CBFA2T3: variants seen among roughly 807,000 people sequenced by gnomAD.
The protein encoded by CBFA2T3 is transcriptional corepressor CBFA2T3.
CBFA2T3 carries 31 observed loss-of-function variants against 58.6 expected under a neutral mutation model. That is an observed-to-expected ratio of 0.53 (90% CI 0.40 to 0.71). The LOEUF (loss-of-function observed/expected upper bound fraction) is 0.71. Among genes scored for constraint, CBFA2T3 ranks in the 30% least tolerant of loss-of-function variants. The pLI, the probability that CBFA2T3 is intolerant of heterozygous loss-of-function variation, is 0.00. For synonymous variants in CBFA2T3, 531 were observed against 421.9 expected (o/e 1.26, Z -3.17); for missense variants, 1,076 against 963.1 (o/e 1.12, Z -1.55).
At chr16:88,918,681 C>T (rs115477699) in intron 1 of CBFA2T3, among the ~76,000 whole-genome samples, 1,949 of 152,354 alleles carry the variant, frequency 0.013, 51 homozygotes, top group African/African-American at 0.045. Flanking sequence ...GGCCAGAGCC[C>T]CCAGCCCAGA....
At chr16:88,892,689 G>A (rs901660991) in intron 3 of CBFA2T3, among the ~76,000 whole-genome samples, 1 of 152,222 alleles carries the variant, frequency 6.6e-6, no homozygotes, top group Non-Finnish European at 1.5e-5. Context: ...TTAGCATGCT[G>A]ACCATCTGTC....
At chr16:88,914,708 G>C (rs927153885) in intron 1 of CBFA2T3, among the ~76,000 whole-genome samples, 1 of 152,214 alleles carries the variant, frequency 6.6e-6, no homozygotes, top group Non-Finnish European at 1.5e-5. Flanking sequence ...CAGTGCCCAG[G>C]GCCTGGTCTT....
At chr16:88,967,097 T>G (rs1639283806) in intron 1 of CBFA2T3, among the ~76,000 whole-genome samples, 1 of 147,338 alleles carries the variant, frequency 6.8e-6, no homozygotes, top group Admixed American at 7.2e-5. Context: ...TGCGCTGGTG[T>G]GTGCCACCCC....
chr16:88,881,198 G>C lies in CBFA2T3; in HGVS notation c.1402+93C>G, dbSNP rs778457010. ...TTCTCAAGCGAAACTGTTCTGCCTG[G>C]TGTTTCGTTGCATTGCCTGCCTGAC... On this transcript the variant is annotated intron_variant, in intron 9 of 11. Transcript: ENST00000268679. The C allele has an allele frequency of 4.5e-5, 49 of 1,091,980 alleles. 1 individual carries two copies. The highest frequency in any genetic ancestry group is 6.5e-5 in the Non-Finnish European group (47 of 719,114). 67.6% of individuals were successfully genotyped at this position (1,091,980 alleles called of 1,614,324 possible).
At chr16:88,910,868 G>A (rs1312901028) in intron 1 of CBFA2T3, among the ~76,000 whole-genome samples, 1 of 149,176 alleles carries the variant, frequency 6.7e-6, no homozygotes, top group African/African-American at 2.4e-5. Flanking sequence ...ATGACCAGGA[G>A]GCGGCTCCCT....
chr16:88,915,229 G>A, intron 1 of CBFA2T3, among the ~76,000 whole-genome samples: 1 of 118,334 alleles, frequency 8.5e-6, no homozygotes, highest in African/African-American at 3.3e-5. Flanking sequence ...CGTGGGTGTG[G>A]GGTGGGGAGG....
intron 1 of CBFA2T3, 51 bp from the exon 2 acceptor site, chr16:88,901,707 G>C: frequency 6.8e-7 from 1 of 1,476,438 alleles, no homozygotes; most frequent in Non-Finnish European, 8.9e-7. Context: ...AAGTGCAAAG[G>C]CCAGGGCCCG....
intron 3 of CBFA2T3, among the ~76,000 whole-genome samples, chr16:88,894,469 T>C (rs1326545086): frequency 3.4e-5 from 4 of 118,628 alleles, no homozygotes; most frequent in Non-Finnish European, 5.0e-5. Context: ...CATGCATACA[T>C]ATACACATGC....
intron 2 of CBFA2T3, among the ~76,000 whole-genome samples, chr16:88,899,110 T>C (rs988822889): frequency 1.6e-5 from 2 of 122,136 alleles, no homozygotes; most frequent in Non-Finnish European, 3.2e-5. Context: ...AACTCCAAGA[T>C]GAATTTGCGC....
intron 1 of CBFA2T3, among the ~76,000 whole-genome samples, chr16:88,915,758 A>C: frequency 1.0e-5 from 1 of 95,248 alleles, no homozygotes; most frequent in African/African-American, 4.1e-5. Context: ...GGGAGTGTTA[A>C]GGGGGAAGTG....
At chr16:88,950,041 C>T (rs1039290906) in intron 1 of CBFA2T3, among the ~76,000 whole-genome samples, 1 of 152,064 alleles carries the variant, frequency 6.6e-6, no homozygotes, top group African/African-American at 2.4e-5. Flanking sequence ...CGAAAACCCC[C>T]GCCACTCTCG....
At chr16:88,928,288 C>G (rs1366076946) in intron 1 of CBFA2T3, among the ~76,000 whole-genome samples, 1 of 152,190 alleles carries the variant, frequency 6.6e-6, no homozygotes, top group African/African-American at 2.4e-5. Context: ...TTTCTGGGAT[C>G]CTGTGGTTTC....
chr16:88,962,067 A>G (rs71395370), intron 1 of CBFA2T3, among the ~76,000 whole-genome samples: 3 of 146,556 alleles, frequency 2.0e-5, no homozygotes, highest in Admixed American at 6.8e-5. Flanking sequence ...TCAGGGCTGG[A>G]CATTCCCACT....
At position 88,885,618 on chromosome 16, in the gene CBFA2T3, G is replaced by A. The variant is rs111336440; in HGVS notation, c.893+343C>T. 8.5e-5 allele frequency: 36 copies of A among 421,630 alleles called. No homozygotes were observed. The highest frequency in any genetic ancestry group is 4.2e-4 in the East Asian group (10 of 23,764). 26.1% of individuals were successfully genotyped at this position (421,630 alleles called of 1,614,324 possible). ...CCTTGGGCAGCAGCAGCACAAGAGCGTCTGGGGCAGCAGAGGGGGCCCAGC... is the reference window on the plus strand; with the variant it reads ...CCTTGGGCAGCAGCAGCACAAGAGCATCTGGGGCAGCAGAGGGGGCCCAGC... On this transcript the variant is annotated intron_variant, in intron 6 of 11. Coordinates refer to ENST00000268679, the MANE Select transcript of CBFA2T3 (RefSeq NM_005187.6). The surrounding 1 kb of genome is among the most constrained non-coding windows in gnomAD (Gnocchi z 5.3).
intron 1 of CBFA2T3, chr16:88,951,058 T>C: frequency 2.6e-6 from 1 of 385,814 alleles, no homozygotes; most frequent in Non-Finnish European, 5.1e-6. Context: ...GCACCTGTCT[T>C]CCGGATCTGT....
At chr16:88,894,580 G>A (rs1338388163) in intron 3 of CBFA2T3, among the ~76,000 whole-genome samples, 2 of 147,712 alleles carry the variant, frequency 1.4e-5, no homozygotes, top group Middle Eastern at 3.5e-3. Flanking sequence ...ACACACACAT[G>A]CATACATATA....
chr16:88,880,436 G>C (rs943599417), intron 10 of CBFA2T3, among the ~76,000 whole-genome samples: 2 of 152,230 alleles, frequency 1.3e-5, no homozygotes, highest in African/African-American at 2.4e-5. Context: ...GGCTCCGAGT[G>C]TGTGCGCTTC....
At chr16:88,961,458 C>A (rs942789996) in intron 1 of CBFA2T3, among the ~76,000 whole-genome samples, 19 of 147,990 alleles carry the variant, frequency 1.3e-4, no homozygotes, top group African/African-American at 4.8e-4. Flanking sequence ...TGCATAGTAA[C>A]CGACAGTCAG....
intron 1 of CBFA2T3, among the ~76,000 whole-genome samples, chr16:88,922,079 C>T (rs1214273348): frequency 3.9e-5 from 6 of 152,244 alleles, no homozygotes; most frequent in African/African-American, 1.2e-4. Flanking sequence ...TGCCACCAAA[C>T]GTGTCGTGGC....
Sources: gnomAD v4.1 joint callset for allele counts (sites outside exome capture counted in the v4.1 genomes callset) on GRCh38, gnomAD v4.1.1 for gene constraint, Gnocchi (gnomAD v3.1) non-coding constraint, MANE v1.5 for transcripts, NCBI Gene and HGNC (gene_info 2026-07-23, HGNC 2026-07-21) for gene names.